The following SCN9A variants were observed in gnomAD, a reference collection of about 807,000 sequenced individuals.
The protein encoded by SCN9A is sodium voltage-gated channel alpha subunit 9.
A neutral mutation model predicts 187.0 loss-of-function variants in SCN9A; 131 were observed. The ratio of observed to expected loss-of-function variants is 0.70; its 90% CI spans 0.61 to 0.81. The LOEUF is 0.81. SCN9A is among the 30% of genes least tolerant of loss of function. The pLI, the probability that SCN9A is intolerant of heterozygous loss-of-function variation, is 0.00. For synonymous variants in SCN9A, 809 were observed against 808.6 expected (o/e 1.00, Z -0.01); for missense variants, 2,252 against 2,396.6 (o/e 0.94, Z 1.26).
At chr2:166,314,526 T>G (rs1350106606) in intron 1 of SCN9A, among the ~76,000 whole-genome samples, 2 of 152,208 alleles carry the variant, frequency 1.3e-5, no homozygotes, top group Non-Finnish European at 2.9e-5. Flanking sequence ...TCAGCAGCAT[T>G]ATTCATACTA....
intron 7 of SCN9A, chr2:166,302,228 G>C (rs1698585703): frequency 4.9e-5 from 7 of 143,696 alleles, no homozygotes; most frequent in African/African-American, 2.1e-4. Flanking sequence ...CATTCCAGGT[G>C]TCAGACAGAA....
chr2:166,251,097 G>C (rs956450046), intron 18 of SCN9A, among the ~76,000 whole-genome samples: 1 of 152,148 alleles, frequency 6.6e-6, no homozygotes, highest in East Asian at 1.9e-4. Flanking sequence ...TGGGACTCAA[G>C]AGTGAGGTTA....
chr2:166,353,009 G>GTT (rs10638743), intron 1 of SCN9A, among the ~76,000 whole-genome samples: 38,580 of 147,900 alleles, frequency 0.26, 7,118 homozygotes, highest in African/African-American at 0.53. Flanking sequence ...CATTGTATCT[G>GTT]TTTTTTTTTT....
intron 1 of SCN9A, among the ~76,000 whole-genome samples, chr2:166,315,388 A>G (rs894493760): frequency 2.0e-5 from 3 of 152,008 alleles, no homozygotes; most frequent in African/African-American, 7.2e-5. Context: ...GTCTCCCCCA[A>G]CCCCCATGCA....
rs531697630 is a variant in SCN9A, at chr2:166,221,850, G to T, written c.4398+4717C>A. Among the ~76,000 whole-genome samples, 5 of 152,110 alleles carry T rather than the reference G, an allele frequency of 3.3e-5. No individual in the cohort carries two copies. The South Asian group carries it at 8.3e-4, about 25-fold the overall frequency. The stretch of plus-strand genomic sequence containing the variant: ...TAGTTAACTCATATTCAACAGGGGT[G>T]CCAAGAATACACAATAGAAAAGAGG... On this transcript the variant is annotated intron_variant, in intron 24 of 26. Coordinates refer to ENST00000642356, the MANE Select transcript of SCN9A (RefSeq NM_001365536.1).
chr2:166,214,780 C>T (rs1694259839), intron 24 of SCN9A, among the ~76,000 whole-genome samples: 1 of 151,756 alleles, frequency 6.6e-6, no homozygotes, highest in Non-Finnish European at 1.5e-5. Context: ...TCCCAAAGTG[C>T]TGGGATTACA....
intron 1 of SCN9A, among the ~76,000 whole-genome samples, chr2:166,349,224 C>G (rs145608272): frequency 6.6e-6 from 1 of 152,286 alleles, no homozygotes; most frequent in African/African-American, 2.4e-5. Flanking sequence ...ATTCATCTTT[C>G]TACTCCCATA....
chr2:166,280,452 T>C lies in SCN9A; in HGVS notation c.2248A>G (p.Ile750Val), dbSNP rs182650126. The change falls in exon 14 of 27, where the codon ATT becomes GTT. Residue 750 changes from isoleucine to valine, a missense_variant. Transcript: ENST00000642356. ...IVMDPFVDLA[I>V]TICIVLNTLF... ...GTGTTTAAAACTATGCAAATGGTAA[T>C]TGCAAGATCTACAAAAGGATCCATT... 3.5e-3 allele frequency: 5,496 copies of C among 1,589,074 alleles called. 11 individuals are homozygous for C. Among genetic ancestry groups the C allele is most frequent in the Non-Finnish European group, 4.1e-3 (4,786 of 1,165,808 alleles).
rs561460464 is a variant in SCN9A, at chr2:166,339,726, A to C, written c.-50-27920T>G. ...TTGTAAATGTAGCACTTCAAGGAGG[A>C]GAGTTAATAGTATAAAGGTTACCTT... is the stretch of plus-strand genomic sequence containing the variant. On this transcript the variant is annotated intron_variant, in intron 1 of 26. Transcript: ENST00000642356. Among the ~76,000 whole-genome samples, 80 of 152,294 alleles carry C rather than the reference A, an allele frequency of 5.3e-4. 1 individual carries two copies. The highest frequency in any genetic ancestry group is 1.8e-3 in the African/African-American group (74 of 41,580).
chr2:166,287,206 A>G (rs1697804804), intron 10 of SCN9A, among the ~76,000 whole-genome samples: 1 of 152,158 alleles, frequency 6.6e-6, no homozygotes, highest in African/African-American at 2.4e-5. Context: ...ATTCTTGTAA[A>G]AACATGGGAA....
chr2:166,254,219 A>C (rs989893829), intron 17 of SCN9A, among the ~76,000 whole-genome samples: 2 of 151,644 alleles, frequency 1.3e-5, no homozygotes, highest in South Asian at 4.1e-4. Flanking sequence ...ATTTAACATG[A>C]ACTATTATTA....
chr2:166,303,838 T>C (rs898380660), intron 6 of SCN9A, among the ~76,000 whole-genome samples: 6 of 152,172 alleles, frequency 3.9e-5, no homozygotes, highest in African/African-American at 1.4e-4. Context: ...AGATTTCAAG[T>C]TGAGATGTGA....
chr2:166,229,716 AG>A (rs1488604743), intron 21 of SCN9A, among the ~76,000 whole-genome samples: 1 of 152,200 alleles, frequency 6.6e-6, no homozygotes, highest in Non-Finnish European at 1.5e-5. Context: ...GACAAAAATT[AG>A]GAACAGTTTT....
chr2:166,327,161 A>C (rs1283532445), intron 1 of SCN9A, among the ~76,000 whole-genome samples: 3 of 152,090 alleles, frequency 2.0e-5, no homozygotes, highest in Non-Finnish European at 4.4e-5. Flanking sequence ...GAAAGGTATA[A>C]ATTTTCTTAT....
intron 4 of SCN9A, 58 bp from the exon 5 acceptor site, chr2:166,305,978 A>G: frequency 6.3e-7 from 1 of 1,592,254 alleles, no homozygotes; most frequent in South Asian, 1.1e-5. Context: ...CACCATGTAA[A>G]TCTTTATAAC....
chr2:166,288,114 T>TACACAC (rs1303192440), intron 10 of SCN9A, among the ~76,000 whole-genome samples: 5 of 96,518 alleles, frequency 5.2e-5, no homozygotes, highest in African/African-American at 2.4e-4. Flanking sequence ...TATATATATA[T>TACACAC]ATATATACAC....
chr2:166,316,544 A>G (rs999223995), intron 1 of SCN9A, among the ~76,000 whole-genome samples: 2 of 152,168 alleles, frequency 1.3e-5, no homozygotes, highest in African/African-American at 4.8e-5. Context: ...AGTACAAAAA[A>G]ATTAGCCAGG....
chr2:166,312,413 C>A (rs2105228531), intron 1 of SCN9A, among the ~76,000 whole-genome samples: 1 of 152,298 alleles, frequency 6.6e-6, no homozygotes, highest in South Asian at 2.1e-4. Context: ...ATTTCCACCA[C>A]ATCTGCAGTT....
At chr2:166,360,852 A>T (rs889524365) in intron 1 of SCN9A, among the ~76,000 whole-genome samples, 1 of 152,248 alleles carries the variant, frequency 6.6e-6, no homozygotes, top group African/African-American at 2.4e-5. Flanking sequence ...GCCAATAAAC[A>T]CAAAACCTTA....
Sources: gnomAD v4.1 joint callset for allele counts (sites outside exome capture counted in the v4.1 genomes callset) on GRCh38, gnomAD v4.1.1 for gene constraint, MANE v1.5 for transcripts, NCBI Gene and HGNC (gene_info 2026-07-23, HGNC 2026-07-21) for gene names.